The following KANK1 variants were observed in gnomAD, a reference collection of about 807,000 sequenced individuals.
The protein encoded by KANK1 is KN motif and ankyrin repeat domain-containing protein 1.
A neutral mutation model predicts 106.2 loss-of-function variants in KANK1; 109 were observed. The observed-to-expected ratio is 1.03, with a 90% CI of 0.88 to 1.20. The LOEUF is 1.20. Among genes scored for constraint, KANK1 ranks in the 50% most tolerant of loss-of-function variants. KANK1 has a pLI of 0.00. For missense variants in KANK1, 2,399 were observed against 1,710.7 expected (o/e 1.40, Z -7.10); for synonymous variants, 873 against 652.2 (o/e 1.34, Z -5.16).
intron 2 of KANK1, among the ~76,000 whole-genome samples, chr9:705,601 G>T (rs779542751): frequency 6.6e-6 from 1 of 151,528 alleles, no homozygotes; most frequent in Non-Finnish European, 1.5e-5. Flanking sequence ...ATTTTTTTTG[G>T]GGGGGTGGGG....
At chr9:491,602 C>T (rs530798035) in intron 3 of KANK1, among the ~76,000 whole-genome samples, 3 of 152,074 alleles carry the variant, frequency 2.0e-5, no homozygotes, top group Admixed American at 2.0e-4. Flanking sequence ...TGATAGTGGG[C>T]CTCTCTGGGG....
chr9:631,330 C>T (rs530353839), intron 1 of KANK1, among the ~76,000 whole-genome samples: 27 of 152,244 alleles, frequency 1.8e-4, no homozygotes, highest in Admixed American at 5.2e-4. Context: ...TTGTGGGGCT[C>T]CCCCTGGGCA....
intron 1 of KANK1, among the ~76,000 whole-genome samples, chr9:577,265 G>C (rs1404370382): frequency 6.6e-6 from 1 of 152,186 alleles, no homozygotes; most frequent in African/African-American, 2.4e-5. Flanking sequence ...TTTACAGAGT[G>C]CTGATTGGCC....
intron 1 of KANK1, among the ~76,000 whole-genome samples, chr9:611,976 C>G (rs1457467089): frequency 6.6e-6 from 1 of 152,222 alleles, no homozygotes; most frequent in African/African-American, 2.4e-5. Context: ...TCTCGGCCTC[C>G]CAGGGTGCTG....
At chr9:555,156 T>C (rs1215352965) in intron 1 of KANK1, among the ~76,000 whole-genome samples, 1 of 151,540 alleles carries the variant, frequency 6.6e-6, no homozygotes, top group East Asian at 2.0e-4. Flanking sequence ...TAATAAGTGC[T>C]CGTGAAATGA....
At chr9:611,332 T>C (rs960765648) in intron 1 of KANK1, among the ~76,000 whole-genome samples, 3 of 152,220 alleles carry the variant, frequency 2.0e-5, no homozygotes, top group African/African-American at 7.2e-5. Flanking sequence ...CTCTATGCCT[T>C]AATTTCCAAT....
chr9:699,767 T>G (rs1485833223), intron 2 of KANK1, among the ~76,000 whole-genome samples: 1 of 152,220 alleles, frequency 6.6e-6, no homozygotes, highest in Non-Finnish European at 1.5e-5. Flanking sequence ...TTAGGTAGCT[T>G]TTTAAAACAG....
At chr9:516,756 AT>A (rs2059294998) in intron 1 of KANK1, among the ~76,000 whole-genome samples, 1 of 151,600 alleles carries the variant, frequency 6.6e-6, no homozygotes, top group Non-Finnish European at 1.5e-5. Context: ...AATATGGATC[AT>A]TTTATCAGTA....
chr9:642,086 C>G (rs1838588606), intron 1 of KANK1, among the ~76,000 whole-genome samples: 6 of 152,122 alleles, frequency 3.9e-5, no homozygotes, highest in Admixed American at 6.5e-5. Context: ...GATAGGATGC[C>G]CATAGTCAGA....
intron 1 of KANK1, among the ~76,000 whole-genome samples, chr9:629,615 G>T (rs10975483): frequency 0.12 from 18,752 of 152,102 alleles, 1,517 homozygotes; most frequent in Non-Finnish European, 0.17. Flanking sequence ...AAGTGCATTG[G>T]TCTCTGAAGC....
Position 652,462 on chromosome 9 carries a change from G to A in KANK1, c.-83-24428G>A, listed in dbSNP as rs532120368. Among the ~76,000 whole-genome samples, 5 of 152,314 alleles carry A rather than the reference G, an allele frequency of 3.3e-5. No individual in the cohort carries two copies. The East Asian group carries it at 9.7e-4, about 29-fold the overall frequency. On this transcript the variant is annotated intron_variant, in intron 1 of 11. Coordinates refer to ENST00000382297, the MANE Select transcript of KANK1 (RefSeq NM_015158.5). ...CACTTGAATCTGGTAGGCAGAGTTTGCAGTGAGCCGAGATCGTGCCATTGC... is the reference window on the plus strand; with the variant it reads ...CACTTGAATCTGGTAGGCAGAGTTTACAGTGAGCCGAGATCGTGCCATTGC...
intron 1 of KANK1, among the ~76,000 whole-genome samples, chr9:617,394 T>G (rs1321570148): frequency 1.3e-5 from 2 of 152,212 alleles, no homozygotes; most frequent in African/African-American, 4.8e-5. Flanking sequence ...CTAAAACCTA[T>G]GTTTTATTCC....
intron 1 of KANK1, among the ~76,000 whole-genome samples, chr9:592,140 G>T (rs557350333): frequency 6.6e-6 from 1 of 151,874 alleles, no homozygotes; most frequent in South Asian, 2.1e-4. Flanking sequence ...AAACCTTCTT[G>T]GAAGAGGTTT....
intron 1 of KANK1, among the ~76,000 whole-genome samples, chr9:522,204 G>T (rs769087115): frequency 6.6e-6 from 1 of 151,704 alleles, no homozygotes; most frequent in Non-Finnish European, 1.5e-5. Context: ...CTCATTTTAC[G>T]ATTCTGTTTT....
rs182717598 is a variant in KANK1, at chr9:626,957, A to G, written c.-83-49933A>G. Among the ~76,000 whole-genome samples the G allele has an allele frequency of 8.0e-4, 122 of 152,310 alleles. 1 individual carries two copies. The highest frequency in any genetic ancestry group is 2.5e-3 in the South Asian group (12 of 4,828). On this transcript the variant is annotated intron_variant, in intron 1 of 11. Coordinates refer to ENST00000382297, the MANE Select transcript of KANK1 (RefSeq NM_015158.5). ...CATCGGTGCTTCTCAGTCTCTTCAC[A>G]TTCTAACTCATTCCTTTTGGTGTTC... is the stretch of plus-strand genomic sequence containing the variant.
chr9:620,789 T>G (rs1003047124), intron 1 of KANK1, among the ~76,000 whole-genome samples: 2 of 152,190 alleles, frequency 1.3e-5, no homozygotes, highest in Non-Finnish European at 2.9e-5. Context: ...TTTTAAAAAT[T>G]TAATATTGGA....
intron 1 of KANK1, among the ~76,000 whole-genome samples, chr9:545,814 C>T (rs934040523): frequency 1.0e-4 from 15 of 148,286 alleles, no homozygotes; most frequent in Non-Finnish European, 1.5e-4. Flanking sequence ...GACTCGATCT[C>T]GGCTCACTGC....
rs1816741784 is a variant in KANK1 at position 562,423 on chromosome 9, A to C, written c.-84+57669A>C. On this transcript the variant is annotated intron_variant, in intron 1 of 11. Transcript: ENST00000382297. ...GCTTCTGGGGAAGATGGGAACGGACAAAAAGCTGCTCTAGATCATGTTCCC... is the reference window on the plus strand; with the variant it reads ...GCTTCTGGGGAAGATGGGAACGGACCAAAAGCTGCTCTAGATCATGTTCCC... Among the ~76,000 whole-genome samples the C allele has an allele frequency of 2.0e-5, 3 of 152,332 alleles. No individual in the cohort carries two copies. In the South Asian group the frequency reaches 6.2e-4, roughly 32 times the overall value.
intron 1 of KANK1, among the ~76,000 whole-genome samples, chr9:602,503 C>G (rs1273111323): frequency 6.6e-6 from 1 of 151,766 alleles, no homozygotes; most frequent in Non-Finnish European, 1.5e-5. Context: ...CATGATCCGC[C>G]TGCCTCAGCC....
Sources: allele counts gnomAD v4.1 joint callset (sites outside exome capture counted in the v4.1 genomes callset), GRCh38; gene constraint gnomAD v4.1.1; transcripts MANE v1.5; gene names NCBI Gene and HGNC (gene_info 2026-07-23, HGNC 2026-07-21).